Variants in BTRC observed in about 807,000 individuals in gnomAD.
The protein encoded by BTRC is F-box/WD repeat-containing protein 1A.
BTRC carries 42 observed loss-of-function variants against 85.5 expected under a neutral mutation model. The ratio of observed to expected loss-of-function variants is 0.49; its 90% CI spans 0.38 to 0.64. The LOEUF (loss-of-function observed/expected upper bound fraction) is 0.64. Among genes scored for constraint, BTRC ranks in the 30% least tolerant of loss-of-function variants. BTRC has a pLI of 0.00. For synonymous variants in BTRC, 255 were observed against 263.3 expected, an observed-to-expected ratio of 0.97 and a Z score of 0.30; for missense variants, 594 against 743.5, an observed-to-expected ratio of 0.80 and a Z score of 2.34.
At chr10:101,438,149 A>G (rs1042047372) in intron 2 of BTRC, among the ~76,000 whole-genome samples, 6 of 152,130 alleles carry the variant, frequency 3.9e-5, no homozygotes, top group Non-Finnish European at 5.9e-5. Flanking sequence ...AAGAATAGCA[A>G]TATAAGTCTT....
chr10:101,397,937 T>TA (rs1297945137), intron 1 of BTRC, among the ~76,000 whole-genome samples: 2 of 152,244 alleles, frequency 1.3e-5, no homozygotes, highest in Non-Finnish European at 2.9e-5. Flanking sequence ...TAAGTGTTTT[T>TA]AAAAATGCCA....
chr10:101,429,559 TTC>T (rs1182007184), intron 1 of BTRC, among the ~76,000 whole-genome samples: 6 of 129,892 alleles, frequency 4.6e-5, no homozygotes, highest in Admixed American at 8.4e-5. Flanking sequence ...TTTCTTCTTC[TTC>T]TCTCTCTCTC....
intron 6 of BTRC, among the ~76,000 whole-genome samples, chr10:101,528,410 C>G (rs1366808211): frequency 6.6e-6 from 1 of 152,152 alleles, no homozygotes; most frequent in Non-Finnish European, 1.5e-5. Flanking sequence ...GGCTTTTGAG[C>G]CTTTCTAAAG....
intron 1 of BTRC, among the ~76,000 whole-genome samples, chr10:101,374,337 G>A (rs1043736011): frequency 6.6e-6 from 1 of 151,994 alleles, no homozygotes; most frequent in African/African-American, 2.4e-5. Context: ...TTTTTCATGT[G>A]TTTATTGCGG....
chr10:101,437,883 C>G (rs185883971), intron 2 of BTRC, among the ~76,000 whole-genome samples: 1 of 152,316 alleles, frequency 6.6e-6, no homozygotes, highest in East Asian at 1.9e-4. Flanking sequence ...CCCTTACCCA[C>G]TCTCTGCCTT....
chr10:101,477,510 C>T (rs887686621), intron 3 of BTRC, among the ~76,000 whole-genome samples: 5 of 152,142 alleles, frequency 3.3e-5, no homozygotes, highest in African/African-American at 9.7e-5. Flanking sequence ...GACAGGGCCT[C>T]GCTGTGCTGC....
chr10:101,446,026 G>T (rs778902038), intron 2 of BTRC, among the ~76,000 whole-genome samples: 4 of 152,072 alleles, frequency 2.6e-5, no homozygotes, highest in Non-Finnish European at 4.4e-5. Context: ...CTGGGTCACT[G>T]CTTTGAATGT....
chr10:101,518,237 T>C (rs2062051509), intron 4 of BTRC, among the ~76,000 whole-genome samples: 2 of 152,144 alleles, frequency 1.3e-5, no homozygotes, highest in Admixed American at 6.5e-5. Context: ...TTGGCCTCCT[T>C]CTATTTATGT....
At chr10:101,360,961 A>G (rs758520005) in intron 1 of BTRC, among the ~76,000 whole-genome samples, 4 of 151,862 alleles carry the variant, frequency 2.6e-5, no homozygotes, top group Non-Finnish European at 5.9e-5. Context: ...TTGTGCCACC[A>G]CACCTGGCTA....
At chr10:101,376,765 G>A (rs901192898) in intron 1 of BTRC, among the ~76,000 whole-genome samples, 3 of 152,106 alleles carry the variant, frequency 2.0e-5, no homozygotes, top group Admixed American at 1.3e-4. Context: ...TGCTTTGTAG[G>A]TCATAGGGTA....
chr10:101,367,043 AATATATAT>A (rs1164265902), intron 1 of BTRC, among the ~76,000 whole-genome samples: 2 of 43,380 alleles, frequency 4.6e-5, no homozygotes, highest in Non-Finnish European at 1.0e-4. Flanking sequence ...TATATATATA[AATATATAT>A]ATATATAAAT....
At chr10:101,396,380 T>C (rs559328545) in intron 1 of BTRC, among the ~76,000 whole-genome samples, 40 of 151,454 alleles carry the variant, frequency 2.6e-4, no homozygotes, top group Non-Finnish European at 4.9e-4. Flanking sequence ...TCTGCCACTA[T>C]GCGAAAACTT....
intron 1 of BTRC, among the ~76,000 whole-genome samples, chr10:101,418,729 A>G (rs570320982): frequency 4.6e-5 from 7 of 152,054 alleles, no homozygotes; most frequent in Admixed American, 6.6e-5. Flanking sequence ...ATTCTGGGGT[A>G]CATGTGCAGG....
At chr10:101,475,953 A>ATATATATATATG (rs1265691229) in intron 3 of BTRC, among the ~76,000 whole-genome samples, 2 of 133,806 alleles carry the variant, frequency 1.5e-5, no homozygotes, top group Non-Finnish European at 3.2e-5. Context: ...ATATATATAT[A>ATATATATATATG]TTCAGTAATT....
rs570440030 is a variant in BTRC, at chr10:101,504,657, G to A, written c.325-16982G>A. Reference sequence around the variant, plus strand: ...TTCCTCTCCTTGCGTTCCTCCTTCTGCTTTCCCATTTTCCCCCTTCCATTT... The same window carrying A: ...TTCCTCTCCTTGCGTTCCTCCTTCTACTTTCCCATTTTCCCCCTTCCATTT... On this transcript the variant is annotated intron_variant, in intron 4 of 14. Transcript: ENST00000370187. 4.0e-5 allele frequency among the ~76,000 whole-genome samples: 6 copies of A among 151,134 alleles called. No individual in the cohort carries two copies. The East Asian group carries it at 1.2e-3, about 29-fold the overall frequency.
chr10:101,555,226 C>T lies in BTRC; in HGVS notation c.*2103C>T, dbSNP rs758517825. On this transcript the variant is annotated 3_prime_UTR_variant, in exon 15 of 15. Coordinates refer to ENST00000370187, the MANE Select transcript of BTRC (RefSeq NM_033637.4). ...TCAGACATTTAAAAGGCATGGGTTT[C>T]GAGCTGTCTCAAAATATTGCCCAAT... 6.6e-5 allele frequency: 10 copies of T among 152,630 alleles called. No homozygotes were observed. Among genetic ancestry groups the T allele is most frequent in the African/African-American group, 2.2e-4 (9 of 41,450 alleles). 9.5% of individuals were successfully genotyped at this position (152,630 alleles called of 1,614,324 possible).
intron 4 of BTRC, among the ~76,000 whole-genome samples, chr10:101,499,062 C>G (rs1051273096): frequency 8.6e-5 from 13 of 151,762 alleles, no homozygotes; most frequent in African/African-American, 2.9e-4. Context: ...AGATCCTGTT[C>G]CAAGTATTTC....
intron 2 of BTRC, among the ~76,000 whole-genome samples, chr10:101,447,625 T>C (rs926470796): frequency 1.3e-5 from 2 of 152,154 alleles, no homozygotes; most frequent in African/African-American, 4.8e-5. Flanking sequence ...TTCCATTCCA[T>C]AACGCAACAA....
rs2062727996 is a variant in BTRC at position 101,556,695 on chromosome 10, GAA to G, written c.*3574_*3575del. 6.6e-6 allele frequency: 1 copy of G among 152,232 alleles called. No individual in the cohort carries two copies. Among genetic ancestry groups the G allele is most frequent in the Non-Finnish European group, 1.5e-5 (1 of 68,042 alleles). The allele number at this position is 152,232 out of a possible 1,614,324, so 9.4% of individuals were successfully genotyped here. The stretch of plus-strand genomic sequence containing the variant: ...GTCAGAATCCTTGGAGCTGAAGAGA[GAA>G]ATCAAAAGAGCATGATGATGGCTGC... On this transcript the variant is annotated 3_prime_UTR_variant, in exon 15 of 15. Coordinates refer to ENST00000370187, the MANE Select transcript of BTRC (RefSeq NM_033637.4).
Sources: gnomAD v4.1 joint callset for allele counts (sites outside exome capture counted in the v4.1 genomes callset) on GRCh38, gnomAD v4.1.1 for gene constraint, MANE v1.5 for transcripts, NCBI Gene and HGNC (gene_info 2026-07-23, HGNC 2026-07-21) for gene names.